NTN4: variants seen among roughly 807,000 people sequenced by gnomAD.
NTN4 encodes netrin-4.
In NTN4, 32 loss-of-function variants were observed where a neutral mutation model predicts 73.6. That is an observed-to-expected ratio of 0.44 (90% confidence interval 0.33 to 0.58). The LOEUF is 0.58. Among genes scored for constraint, NTN4 ranks in the 20% least tolerant of loss-of-function variants. The pLI, the probability that NTN4 is intolerant of heterozygous loss-of-function variation, is 0.04. For synonymous variants in NTN4, 258 were observed against 287.5 expected, an observed-to-expected ratio of 0.90 and a Z score of 1.04; for missense variants, 654 against 798.3, an observed-to-expected ratio of 0.82 and a Z score of 2.18.
At chr12:95,685,813 T>C (rs943201616) in intron 5 of NTN4, among the ~76,000 whole-genome samples, 1 of 152,222 alleles carries the variant, frequency 6.6e-6, no homozygotes, top group African/African-American at 2.4e-5. Context: ...AGAGATTATG[T>C]GTGCAAAGCA....
rs548937260 is a variant in NTN4, at chr12:95,765,529, AC to A, written c.585+21409del. Among the ~76,000 whole-genome samples the A allele has an allele frequency of 2.0e-5, 3 of 152,270 alleles. No individual in the cohort carries two copies. In the East Asian group the frequency reaches 5.8e-4, roughly 29 times the overall value. ...CCAAAGTTAGTACTGGAAGTCCCTA[AC>A]TTACGACTGGGTTGTGCTCTAAAGA... is the stretch of plus-strand genomic sequence containing the variant. On this transcript the variant is annotated intron_variant, in intron 2 of 9. Coordinates refer to ENST00000343702, the MANE Select transcript of NTN4 (RefSeq NM_021229.4).
chr12:95,688,069 T>C (rs1399867088), intron 5 of NTN4, among the ~76,000 whole-genome samples: 1 of 152,168 alleles, frequency 6.6e-6, no homozygotes, highest in Non-Finnish European at 1.5e-5. Context: ...TTTTGTCCTA[T>C]GGGCATAATG....
chr12:95,728,079 T>C (rs1046894309), intron 3 of NTN4, among the ~76,000 whole-genome samples: 1 of 152,210 alleles, frequency 6.6e-6, no homozygotes, highest in Non-Finnish European at 1.5e-5. Context: ...GAGATTTTCT[T>C]AATTTCATTT....
chr12:95,726,333 G>A (rs982658659), intron 3 of NTN4, among the ~76,000 whole-genome samples: 1 of 151,988 alleles, frequency 6.6e-6, no homozygotes, highest in Non-Finnish European at 1.5e-5. Context: ...TTATGGATTT[G>A]TCTATTCTGG....
intron 3 of NTN4, among the ~76,000 whole-genome samples, chr12:95,718,021 C>T (rs1463794410): frequency 6.6e-6 from 1 of 152,162 alleles, no homozygotes; most frequent in Non-Finnish European, 1.5e-5. Context: ...ATTTTTAGCA[C>T]ATTTATCTTA....
At chr12:95,713,626 T>C (rs2078582630) in intron 3 of NTN4, among the ~76,000 whole-genome samples, 1 of 152,230 alleles carries the variant, frequency 6.6e-6, no homozygotes, top group Non-Finnish European at 1.5e-5. Flanking sequence ...AAGTACTGGC[T>C]AAGTTTTTAA....
chr12:95,751,120 T>G (rs552328576), intron 2 of NTN4, among the ~76,000 whole-genome samples: 1 of 152,276 alleles, frequency 6.6e-6, no homozygotes, highest in Admixed American at 6.5e-5. Flanking sequence ...AAAATACATT[T>G]TATTACCCAA....
chr12:95,701,725 A>G (rs2078486361), intron 5 of NTN4, among the ~76,000 whole-genome samples: 1 of 152,224 alleles, frequency 6.6e-6, no homozygotes. Flanking sequence ...CATAGCATTT[A>G]GCATGGTGCT....
Position 95,787,324 on chromosome 12 carries a change from T to C in NTN4, c.200A>G (p.Asn67Ser). The change falls in exon 2 of 10, where the codon AAC becomes AGC. Residue 67 changes from asparagine to serine, a missense_variant. Transcript: ENST00000343702. ...GGGCTGCCGACAAGTCAGATCCGTG[T>C]TCTCACTGTAGAAGCAGTACAGTTC... is the stretch of plus-strand genomic sequence containing the variant. ...ATELYCFYSE[N>S]TDLTCRQPKC... The C allele has an allele frequency of 1.2e-6, 2 of 1,614,240 alleles. No individual in the cohort carries two copies. Among genetic ancestry groups the C allele is most frequent in the Non-Finnish European group, 1.7e-6 (2 of 1,180,034 alleles).
chr12:95,754,522 T>A (rs1028390612), intron 2 of NTN4, among the ~76,000 whole-genome samples: 2 of 152,106 alleles, frequency 1.3e-5, no homozygotes, highest in Non-Finnish European at 2.9e-5. Flanking sequence ...TACGCCCAGA[T>A]GGCCTCAAGT....
chr12:95,680,090 G>A (rs1214671225), intron 7 of NTN4, among the ~76,000 whole-genome samples: 1 of 151,986 alleles, frequency 6.6e-6, no homozygotes, highest in East Asian at 1.9e-4. Flanking sequence ...CTTATTCCCT[G>A]TCCCTGCATT....
At chr12:95,659,359 A>G in intron 9 of NTN4, 137 bp from the exon 10 acceptor site, 1 of 592,144 alleles carries the variant, frequency 1.7e-6, no homozygotes, top group Non-Finnish European at 2.8e-6. Context: ...GTAGTGGCAT[A>G]ATCCTGGCTC....
intron 2 of NTN4, among the ~76,000 whole-genome samples, chr12:95,751,683 A>C (rs1028737536): frequency 6.6e-6 from 1 of 152,070 alleles, no homozygotes; most frequent in Non-Finnish European, 1.5e-5. Context: ...GAAGCCCCCT[A>C]GACCATCACG....
chr12:95,774,186 TAA>T (rs61303419), intron 2 of NTN4, among the ~76,000 whole-genome samples: 199 of 148,804 alleles, frequency 1.3e-3, no homozygotes, highest in African/African-American at 2.9e-3. Flanking sequence ...TTTTTTTTTT[TAA>T]AAAAAAAAGA....
intron 5 of NTN4, among the ~76,000 whole-genome samples, chr12:95,690,860 T>C (rs982748554): frequency 4.6e-5 from 7 of 152,212 alleles, no homozygotes; most frequent in African/African-American, 1.7e-4. Flanking sequence ...CCACCACTCC[T>C]ATCTTTTCCT....
At chr12:95,769,319 G>A (rs2079040164) in intron 2 of NTN4, among the ~76,000 whole-genome samples, 2 of 152,140 alleles carry the variant, frequency 1.3e-5, no homozygotes, top group African/African-American at 2.4e-5. Flanking sequence ...AGAAAATCAT[G>A]GGGGCAAGCT....
chr12:95,682,946 GT>G (rs2078330374), intron 6 of NTN4, 124 bp from the exon 7 acceptor site: 2 of 577,750 alleles, frequency 3.5e-6, no homozygotes, highest in African/African-American at 1.9e-5. Flanking sequence ...CAGAAATAGT[GT>G]TTTAAGGAAC....
intron 3 of NTN4, among the ~76,000 whole-genome samples, chr12:95,728,750 T>C (rs1384317930): frequency 1.3e-5 from 2 of 152,242 alleles, no homozygotes; most frequent in African/African-American, 2.4e-5. Context: ...TGTGTCCCCA[T>C]CCAAATCTCA....
intron 5 of NTN4, among the ~76,000 whole-genome samples, chr12:95,694,387 G>T (rs1418261750): frequency 6.6e-6 from 1 of 151,028 alleles, no homozygotes; most frequent in Non-Finnish European, 1.5e-5. Context: ...GTTTTCTCCT[G>T]AAAAGGCCAA....
Sources: allele counts gnomAD v4.1 joint callset (sites outside exome capture counted in the v4.1 genomes callset), GRCh38; gene constraint gnomAD v4.1.1; transcripts MANE v1.5; gene names NCBI Gene and HGNC (gene_info 2026-07-23, HGNC 2026-07-21).